SELENOP: variants seen among roughly 807,000 people sequenced by gnomAD.
The protein encoded by SELENOP is selenoprotein P, also known as selenoprotein P, plasma, 1.
SELENOP carries 36 observed loss-of-function variants against 41.0 expected under a neutral mutation model. The ratio of observed to expected loss-of-function variants is 0.88; its 90% confidence interval spans 0.67 to 1.16. The LOEUF is 1.16. SELENOP is among the 50% of genes most tolerant of loss of function. SELENOP has a pLI of 0.00. For missense variants in SELENOP, 440 were observed against 454.2 expected (o/e 0.97, Z 0.28); for synonymous variants, 144 against 150.8 (o/e 0.95, Z 0.33).
intron 1 of SELENOP, among the ~76,000 whole-genome samples, chr5:42,810,433 C>CA (rs1471543921): frequency 3.9e-5 from 6 of 152,126 alleles, no homozygotes. Context: ...CACTTTGCCA[C>CA]AGAGCACATA....
chr5:42,805,397 A>T (rs975489653), intron 3 of SELENOP: 1 of 152,204 alleles, frequency 6.6e-6, no homozygotes, highest in Admixed American at 6.5e-5. Flanking sequence ...CCTAAAAATT[A>T]GAAGTTTAAA....
intron 4 of SELENOP, 67 bp from the exon 5 acceptor site, chr5:42,801,398 T>C (rs1760199094): frequency 8.4e-7 from 1 of 1,196,156 alleles, no homozygotes; most frequent in African/African-American, 1.5e-5. Flanking sequence ...TGAAAAATGA[T>C]TTGTAGAGCT....
In SELENOP at chr5:42,800,869, G is replaced by A. The variant is rs370941266; in HGVS notation, c.997C>T (p.Leu333Phe). 6 of 1,614,068 alleles carry A rather than the reference G, an allele frequency of 3.7e-6. No homozygotes were observed. In the African/African-American group the frequency reaches 6.7e-5, roughly 18 times the overall value. Residue 333 changes from leucine to phenylalanine, a missense_variant, in exon 5 of 5, where the codon CTT (leucine) becomes TTT (phenylalanine). Leu to Phe is a conservative substitution (Grantham distance 22). Coordinates refer to ENST00000514985, the MANE Select transcript of SELENOP (RefSeq NM_005410.4). Reference protein sequence around the residue: ...NLPSLCSUQGLRAEENITESC... With the variant: ...NLPSLCSUQGFRAEENITESC... ...TCAGTTATGTTCTCCTCTGCCCGAAGTCCCTGTCAGCTACATAAAGATGGG... is the reference window on the plus strand; with the variant it reads ...TCAGTTATGTTCTCCTCTGCCCGAAATCCCTGTCAGCTACATAAAGATGGG...
At position 42,808,323 on chromosome 5, in the gene SELENOP, G is replaced by A. The variant is rs1760383476; in HGVS notation, c.31C>T (p.Leu11Phe). 3 of 1,447,890 alleles carry A rather than the reference G, an allele frequency of 2.1e-6. No individual in the cohort carries two copies. The highest frequency in any genetic ancestry group is 2.7e-6 in the Non-Finnish European group (3 of 1,098,942). The allele number at this position is 1,447,890 out of a possible 1,614,324, so 89.7% of individuals were successfully genotyped here. ...GTTCCTCCCGATGGGAGGAGACAGA[G>A]AGCCAGGGCAAGCCCCAGGCTTCTC... The part of the protein sequence containing the change: MWRSLGLALA[L>F]CLLPSGGTES... The change falls in exon 2 of 5, where the codon CTC becomes TTC. Residue 11 changes from leucine to phenylalanine, a missense_variant. By Grantham distance (22) the Leu-to-Phe change is conservative. Coordinates refer to ENST00000514985, the MANE Select transcript of SELENOP (RefSeq NM_005410.4).
At position 42,810,096 on chromosome 5, in the gene SELENOP, G is replaced by A. The variant is rs1005785205; in HGVS notation, c.-13-1730C>T. Among the ~76,000 whole-genome samples the A allele has an allele frequency of 7.9e-5, 12 of 152,198 alleles. No homozygotes were observed. The East Asian group carries it at 2.3e-3, about 29-fold the overall frequency. On this transcript the variant is annotated intron_variant, in intron 1 of 4. Transcript: ENST00000514985. ...GTGACCATTATCCCCTTTTGCAGTT[G>A]AGAAAAACCATGGCTAAGAGTTTAG...
At chr5:42,804,354 G>A (rs1454410040) in intron 4 of SELENOP, among the ~76,000 whole-genome samples, 1 of 152,058 alleles carries the variant, frequency 6.6e-6, no homozygotes, top group Non-Finnish European at 1.5e-5. Context: ...CTAGCTACTC[G>A]GGAGACTGAG....
chr5:42,811,739 A>G (rs1303345589), intron 1 of SELENOP, 97 bp downstream of exon 1: 1 of 152,188 alleles, frequency 6.6e-6, no homozygotes, highest in East Asian at 1.9e-4. Flanking sequence ...CAGTTTTCTG[A>G]ATCTATTCTA....
In SELENOP at chr5:42,811,476, CTGTT is replaced by C. The variant is rs142079782; in HGVS notation, c.-14+356_-14+359del. Among the ~76,000 whole-genome samples, 1,257 of 152,262 alleles carry C rather than the reference CTGTT, an allele frequency of 8.3e-3. 11 individuals are homozygous for C. The highest frequency in any genetic ancestry group is 0.029 in the African/African-American group (1,217 of 41,556). ...AAATCCAAATGGCTGGGTTTTTTCC[CTGTT>C]TGTTCTTACTCTGCCCTTCAGTGGA... On this transcript the variant is annotated intron_variant, in intron 1 of 4. Transcript: ENST00000514985.
Position 42,801,286 on chromosome 5 carries a change from C to G in SELENOP, c.580G>C (p.Val194Leu). 1 of 1,613,436 alleles carries G rather than the reference C, an allele frequency of 6.2e-7. No individual in the cohort carries two copies. Among genetic ancestry groups the G allele is most frequent in the Non-Finnish European group, 8.5e-7 (1 of 1,179,816 alleles). ...DFCKRVSLAT[V>L]DKTVETPSPH... Reference sequence around the variant, plus strand: ...GATGGAGTTTCAACTGTTTTATCCACAGTAGCCAAAGATACACGTTTACAA... The same window carrying G: ...GATGGAGTTTCAACTGTTTTATCCAGAGTAGCCAAAGATACACGTTTACAA... Residue 194 changes from valine (V) to leucine (L), a missense_variant, in exon 5 of 5, where the codon GTG becomes CTG. Val to Leu is a conservative substitution (Grantham distance 32). Coordinates refer to ENST00000514985, the MANE Select transcript of SELENOP (RefSeq NM_005410.4).
At position 42,804,753 on chromosome 5, in the gene SELENOP, T is replaced by A; in HGVS notation, c.437A>T (p.His146Leu). 1 of 1,604,644 alleles carries A rather than the reference T, an allele frequency of 6.2e-7. No homozygotes were observed. Among genetic ancestry groups the A allele is most frequent in the Middle Eastern group, 1.7e-4 (1 of 6,030 alleles). Residue 146 changes from histidine (H) to leucine (L), a missense_variant, in exon 4 of 5, where the codon CAT (histidine) becomes CTT (leucine). By Grantham distance (99) the His-to-Leu change is moderately conservative. Transcript: ENST00000514985. The stretch of plus-strand genomic sequence containing the variant: ...TAGGAAGGAAAAAGGCAAACCAAGA[T>A]GATATACAAGACGGCCACATCTAAG... ...IYDRCGRLVY[H>L]LGLPFSFLTF...
Position 42,800,931 on chromosome 5 carries a change from GT to G in SELENOP, c.934del (p.Thr312GlnfsTer?). On this transcript the variant is annotated frameshift_variant, in exon 5 of 5. Coordinates refer to ENST00000514985, the MANE Select transcript of SELENOP (RefSeq NM_005410.4). LOFTEE classifies it high-confidence loss of function. ...CHCRHLIFEK[T>X]GSAITUQCKE... ...ACACTGTCAGGTGATTGCAGACCCT[GT>G]TTTTTCAAATATCAGATGTCGACAA... 6.2e-7 allele frequency: 1 copy of G among 1,614,190 alleles called. No individual in the cohort carries two copies. The highest frequency in any genetic ancestry group is 8.5e-7 in the Non-Finnish European group (1 of 1,180,026).
rs1760344354 is a variant in SELENOP, at chr5:42,806,977, G to A, written c.335C>T (p.Pro112Leu). 1 of 1,610,682 alleles carries A rather than the reference G, an allele frequency of 6.2e-7. No homozygotes were observed. Among genetic ancestry groups the A allele is most frequent in the Non-Finnish European group, 8.5e-7 (1 of 1,177,468 alleles). The change falls in exon 3 of 5, where the codon CCT becomes CTT. Residue 112 changes from proline (P) to leucine (L), a missense_variant. Physicochemically the swap from Pro to Leu is moderately conservative, Grantham distance 98 (BLOSUM62 -3). Coordinates refer to ENST00000514985, the MANE Select transcript of SELENOP (RefSeq NM_005410.4). The stretch of plus-strand genomic sequence containing the variant: ...TTGGTTTTCTTCTTGTTGATAAACA[G>A]GAATATGCTCTGAAACCTTATTCTT... ...HLKNKVSEHI[P>L]VYQQEENQTD...
intron 2 of SELENOP, 144 bp from the exon 3 acceptor site, chr5:42,807,252 T>A (rs1760352887): frequency 4.3e-6 from 2 of 464,954 alleles, no homozygotes; most frequent in Non-Finnish European, 7.7e-6. Flanking sequence ...TTTATATTGC[T>A]GTAAAAGATT....
chr5:42,807,022 C>T lies in SELENOP; in HGVS notation c.290G>A (p.Arg97Gln), dbSNP rs564364975. Reference protein sequence around the residue: ...IVVNHQGISSRLKYTHLKNKV... With the variant: ...IVVNHQGISSQLKYTHLKNKV... ...ATTCTTAAGATGTGTGTATTTTAAT[C>T]GAGAAGAGATTCCTTGATGATTAAC... Residue 97 changes from arginine (R) to glutamine (Q), a missense_variant, in exon 3 of 5, where the codon CGA becomes CAA. Transcript: ENST00000514985. 36 of 1,586,264 alleles carry T rather than the reference C, an allele frequency of 2.3e-5. No homozygotes were observed. The highest frequency in any genetic ancestry group is 5.5e-5 in the South Asian group (5 of 90,146).
At chr5:42,808,066 A>G in intron 2 of SELENOP, 85 bp downstream of exon 2, 1 of 588,984 alleles carries the variant, frequency 1.7e-6, no homozygotes. Context: ...TACATTATTT[A>G]CACTTTTATT....
intron 3 of SELENOP, chr5:42,805,015 A>G (rs775211591): frequency 3.7e-5 from 10 of 272,912 alleles, no homozygotes; most frequent in Non-Finnish European, 5.4e-5. Context: ...ATATGTCACT[A>G]TATAATATCA....
intron 4 of SELENOP, among the ~76,000 whole-genome samples, chr5:42,803,557 G>A (rs1257679294): frequency 6.6e-6 from 1 of 152,042 alleles, no homozygotes; most frequent in Non-Finnish European, 1.5e-5. Flanking sequence ...GCTTTCTTTA[G>A]ACCTGGGGAA....
intron 3 of SELENOP, chr5:42,805,782 G>A (rs1760318383): frequency 6.6e-6 from 1 of 152,114 alleles, no homozygotes; most frequent in Admixed American, 6.5e-5. Flanking sequence ...AATTTATGGG[G>A]ATAATCAATT....
At chr5:42,810,728 G>A in intron 1 of SELENOP, 1 of 921,002 alleles carries the variant, frequency 1.1e-6, no homozygotes, top group South Asian at 2.2e-5. Context: ...AAAGTGCTGG[G>A]ATTACAAGCG....
Sources: gnomAD v4.1 joint callset for allele counts (sites outside exome capture counted in the v4.1 genomes callset) on GRCh38, gnomAD v4.1.1 for gene constraint, MANE v1.5 for transcripts, NCBI Gene and HGNC (gene_info 2026-07-23, HGNC 2026-07-21) for gene names.